The following ADAMTS3 variants were observed in gnomAD, a reference collection of about 807,000 sequenced individuals.
ADAMTS3 encodes ADAM metallopeptidase with thrombospondin type 1 motif 3.
ADAMTS3 carries 73 observed loss-of-function variants against 129.0 expected under a neutral mutation model. The observed-to-expected ratio is 0.57, with a 90% confidence interval of 0.47 to 0.69. The LOEUF is 0.69. Ranked by LOEUF, ADAMTS3 falls within the 30% of genes least tolerant of loss-of-function variation. ADAMTS3 has a pLI of 0.00. For missense variants in ADAMTS3, 1,457 were observed against 1,514.5 expected (o/e 0.96, Z 0.63); for synonymous variants, 477 against 510.8 (o/e 0.93, Z 0.89).
At chr4:72,337,516 C>A (rs1358883310) in intron 5 of ADAMTS3, among the ~76,000 whole-genome samples, 3 of 152,080 alleles carry the variant, frequency 2.0e-5, no homozygotes, top group African/African-American at 7.2e-5. Context: ...CTCCTAACTT[C>A]TTGATGAATT....
At chr4:72,464,608 G>T (rs1479180299) in intron 3 of ADAMTS3, among the ~76,000 whole-genome samples, 2 of 151,948 alleles carry the variant, frequency 1.3e-5, no homozygotes, top group African/African-American at 4.8e-5. Context: ...AAAGTGTGGG[G>T]CTATGAAAGA....
At chr4:72,380,945 G>C (rs1660661142) in intron 4 of ADAMTS3, among the ~76,000 whole-genome samples, 2 of 152,208 alleles carry the variant, frequency 1.3e-5, no homozygotes, top group African/African-American at 2.4e-5. Flanking sequence ...CTAAAAAGGA[G>C]TAGGAACATC....
At chr4:72,556,235 A>C (rs1157970119) in intron 2 of ADAMTS3, among the ~76,000 whole-genome samples, 1 of 151,738 alleles carries the variant, frequency 6.6e-6, no homozygotes, top group Non-Finnish European at 1.5e-5. Flanking sequence ...GCACTGTATG[A>C]CATATGACAG....
chr4:72,343,925 C>G (rs187951409), intron 4 of ADAMTS3, among the ~76,000 whole-genome samples: 7 of 151,936 alleles, frequency 4.6e-5, no homozygotes, highest in East Asian at 1.9e-4. Flanking sequence ...GGAAAATGTA[C>G]GTTTTTGAAG....
intron 4 of ADAMTS3, among the ~76,000 whole-genome samples, chr4:72,369,498 G>A (rs1341591900): frequency 2.0e-5 from 3 of 152,054 alleles, no homozygotes; most frequent in Non-Finnish European, 4.4e-5. Context: ...ATCACTTGAG[G>A]TCAGGAGTTT....
intron 4 of ADAMTS3, among the ~76,000 whole-genome samples, chr4:72,382,045 T>C (rs1721302952): frequency 6.6e-6 from 1 of 152,086 alleles, no homozygotes; most frequent in Non-Finnish European, 1.5e-5. Flanking sequence ...GTGGCAGTAA[T>C]TGAGGCTGTG....
At chr4:72,389,250 CCTAA>C (rs1721523634) in intron 4 of ADAMTS3, among the ~76,000 whole-genome samples, 1 of 152,028 alleles carries the variant, frequency 6.6e-6, no homozygotes, top group South Asian at 2.1e-4. Flanking sequence ...GCACAGGTAT[CCTAA>C]CTAATATTTT....
chr4:72,360,947 T>C (rs1041196686), intron 4 of ADAMTS3, among the ~76,000 whole-genome samples: 12 of 152,114 alleles, frequency 7.9e-5, no homozygotes, highest in African/African-American at 1.7e-4. Context: ...TATTTGTATA[T>C]GCTACAAGTA....
chr4:72,326,527 AC>A, intron 5 of ADAMTS3, among the ~76,000 whole-genome samples: 4 of 152,150 alleles, frequency 2.6e-5, no homozygotes, highest in Admixed American at 2.6e-4. Context: ...AAACTGAGTG[AC>A]CTTCGGTTGG....
intron 4 of ADAMTS3, among the ~76,000 whole-genome samples, chr4:72,389,337 C>T (rs886632745): frequency 1.3e-5 from 2 of 152,052 alleles, no homozygotes; most frequent in African/African-American, 4.8e-5. Context: ...ATGACCACCC[C>T]TCAGGAATGA....
intron 17 of ADAMTS3, among the ~76,000 whole-genome samples, chr4:72,299,981 G>C (rs926362199): frequency 6.6e-6 from 1 of 152,138 alleles, no homozygotes; most frequent in Non-Finnish European, 1.5e-5. Flanking sequence ...ATTATGCAAA[G>C]AGAGAAATGT....
chr4:72,376,817 C>T (rs1429947121), intron 4 of ADAMTS3, among the ~76,000 whole-genome samples: 1 of 152,100 alleles, frequency 6.6e-6, no homozygotes, highest in Non-Finnish European at 1.5e-5. Flanking sequence ...CCATATTTGT[C>T]TTGTATTTCA....
intron 20 of ADAMTS3, among the ~76,000 whole-genome samples, chr4:72,290,109 A>C (rs1424014742): frequency 6.6e-6 from 1 of 152,176 alleles, no homozygotes; most frequent in African/African-American, 2.4e-5. Flanking sequence ...ATAGCTGACA[A>C]TGCAACATTG....
chr4:72,467,078 G>A (rs1228490953), intron 3 of ADAMTS3, among the ~76,000 whole-genome samples: 1 of 151,928 alleles, frequency 6.6e-6, no homozygotes, highest in African/African-American at 2.4e-5. Context: ...TCCATCTCTA[G>A]CTAAAAATCA....
At chr4:72,563,951 G>A (rs1032525002) in intron 2 of ADAMTS3, among the ~76,000 whole-genome samples, 3 of 152,134 alleles carry the variant, frequency 2.0e-5, no homozygotes, top group Non-Finnish European at 4.4e-5. Context: ...CAATAACTAG[G>A]TAAGTGACTC....
chr4:72,545,182 T>A (rs914954020), intron 3 of ADAMTS3, among the ~76,000 whole-genome samples: 1 of 152,146 alleles, frequency 6.6e-6, no homozygotes, highest in Non-Finnish European at 1.5e-5. Context: ...TACAGATTTT[T>A]AAAAAATGAA....
At chr4:72,516,444 G>C (rs962543112) in intron 3 of ADAMTS3, among the ~76,000 whole-genome samples, 3 of 152,206 alleles carry the variant, frequency 2.0e-5, no homozygotes, top group East Asian at 1.9e-4. Flanking sequence ...CCATTCTCAG[G>C]ATATTGATTC....
Position 72,511,942 on chromosome 4 carries a change from C to G in ADAMTS3, c.504+36536G>C, listed in dbSNP as rs115392472. 7.1e-3 allele frequency among the ~76,000 whole-genome samples: 1,083 copies of G among 152,178 alleles called. 14 individuals carry two copies. Among genetic ancestry groups the G allele is most frequent in the African/African-American group, 0.025 (1,046 of 41,526 alleles). On this transcript the variant is annotated intron_variant, in intron 3 of 21. Coordinates refer to ENST00000286657, the MANE Select transcript of ADAMTS3 (RefSeq NM_014243.3). ...AGTACTATTCAGTTATAAAAAAGAA[C>G]GAGAGCTTGTCATTTGCAACAACAT...
At chr4:72,363,884 A>C (rs896181613) in intron 4 of ADAMTS3, among the ~76,000 whole-genome samples, 8 of 152,128 alleles carry the variant, frequency 5.3e-5, no homozygotes, top group African/African-American at 1.9e-4. Flanking sequence ...AATTCAGTGA[A>C]AGTTTGCCAG....
Sources: gnomAD v4.1 joint callset for allele counts (sites outside exome capture counted in the v4.1 genomes callset) on GRCh38, gnomAD v4.1.1 for gene constraint, MANE v1.5 for transcripts, NCBI Gene and HGNC (gene_info 2026-07-23, HGNC 2026-07-21) for gene names.